HMCN2: variants seen among roughly 807,000 people sequenced by gnomAD.
HMCN2 encodes the protein hemicentin-2.
In HMCN2, 325 loss-of-function variants were observed where a neutral mutation model predicts 377.5. The ratio of observed to expected loss-of-function variants is 0.86; its 90% CI spans 0.79 to 0.94. The LOEUF is 0.94. HMCN2 is among the 40% of genes least tolerant of loss of function. The probability of loss-of-function intolerance (pLI) is 0.00; values close to 1 mark genes in which losing one functional copy is unlikely to be tolerated. For synonymous variants in HMCN2, 2,007 were observed against 2,046.8 expected, an observed-to-expected ratio of 0.98 and a Z score of 0.53; for missense variants, 4,543 against 4,725.3, an observed-to-expected ratio of 0.96 and a Z score of 1.13.
rs140652148 is a variant in HMCN2 at position 130,273,524 on chromosome 9, G to T, written c.259+7387G>T. Among the ~76,000 whole-genome samples the T allele has an allele frequency of 4.0e-3, 614 of 151,744 alleles. 6 individuals are homozygous for T. The highest frequency in any genetic ancestry group is 0.014 in the African/African-American group (580 of 41,356). The stretch of plus-strand genomic sequence containing the variant: ...TTTTTTTTTTTATTTTTGAGACTGA[G>T]TCTCACTCTCTTGCCCAGGCTGGAG... On this transcript the variant is annotated intron_variant, in intron 1 of 97. Coordinates refer to ENST00000683500, the MANE Select transcript of HMCN2 (RefSeq NM_001291815.2).
At position 130,285,327 on chromosome 9, in the gene HMCN2, C is replaced by T. The variant is rs782525276; in HGVS notation, c.489+11C>T. 8 of 470,666 alleles carry T rather than the reference C, an allele frequency of 1.7e-5. No homozygotes were observed. The highest frequency in any genetic ancestry group is 3.1e-5 in the Non-Finnish European group (7 of 226,882). The allele number at this position is 470,666 out of a possible 1,614,324, so 29.2% of individuals were successfully genotyped here. On this transcript the variant is annotated intron_variant, in intron 3 of 97. Transcript: ENST00000683500. ...CTCAAGCAATCACAGGTGGGTGAGC[C>T]GGCTGTGGGGGCCCAAAGTGGGGTC...
chr9:130,375,772 G>T, intron 50 of HMCN2, 36 bp downstream of exon 50: 1 of 984,946 alleles, frequency 1.0e-6, no homozygotes, highest in Non-Finnish European at 1.2e-6. Context: ...GGAGGGAACA[G>T]GTGACATGTC....
Position 130,307,476 on chromosome 9 carries a change from A to G in HMCN2, c.2110A>G (p.Asn704Asp). 2.1e-6 allele frequency: 1 copy of G among 471,060 alleles called. No individual in the cohort carries two copies. Among genetic ancestry groups the G allele is most frequent in the South Asian group, 1.5e-5 (1 of 64,548 alleles). 29.2% of individuals were successfully genotyped at this position (471,060 alleles called of 1,614,324 possible). A position where few individuals can be genotyped will look rare whatever the true frequency, so the allele number is the denominator to read the frequency against. The change falls in exon 14 of 98, where the codon AAT becomes GAT. Residue 704 changes from asparagine (N) to aspartate (D), a missense_variant. Transcript: ENST00000683500. ...YTDPPSVSAV[N>D]AVVLVAVGEE... Reference sequence around the variant, plus strand: ...AGACCCACCGTCGGTCTCTGCTGTAAATGCCGTGGTGCTGGTGGCCGTTGG... The same window carrying G: ...AGACCCACCGTCGGTCTCTGCTGTAGATGCCGTGGTGCTGGTGGCCGTTGG...
At chr9:130,269,719 C>T (rs1554920447) in intron 1 of HMCN2, among the ~76,000 whole-genome samples, 1 of 147,478 alleles carries the variant, frequency 6.8e-6, no homozygotes, top group Non-Finnish European at 1.5e-5. Context: ...AGTTTCTTTG[C>T]AAATTTTTTC....
intron 22 of HMCN2, among the ~76,000 whole-genome samples, chr9:130,331,328 G>A (rs1297853405): frequency 2.0e-5 from 3 of 152,162 alleles, no homozygotes; most frequent in Admixed American, 6.5e-5. Flanking sequence ...GGTTCCTTGC[G>A]GGACGGTCCC....
chr9:130,291,897 G>T (rs1000103153), intron 4 of HMCN2, among the ~76,000 whole-genome samples: 1 of 152,050 alleles, frequency 6.6e-6, no homozygotes, highest in Non-Finnish European at 1.5e-5. Context: ...TGTCTATTAA[G>T]TCCTCTTTGG....
chr9:130,312,722 C>T (rs1255960368), intron 15 of HMCN2, among the ~76,000 whole-genome samples: 1 of 149,324 alleles, frequency 6.7e-6, no homozygotes, highest in Non-Finnish European at 1.5e-5. Flanking sequence ...CTGGAGTGCC[C>T]AGGCGCAATC....
At chr9:130,415,674 C>A (rs1441164094) in intron 85 of HMCN2, among the ~76,000 whole-genome samples, 1 of 152,224 alleles carries the variant, frequency 6.6e-6, no homozygotes, top group Non-Finnish European at 1.5e-5. Context: ...TTCAAGTTGG[C>A]CTCGGTTTAC....
At position 130,395,238 on chromosome 9, in the gene HMCN2, G is replaced by A; in HGVS notation, c.10802G>A (p.Gly3601Asp). The stretch of plus-strand genomic sequence containing the variant: ...CCTCCAAACATTGTTGGGCCCCGAG[G>A]CCCCCGCTTTGTGGTCGGCCTGGCC... Reference protein sequence around the residue: ...QAPPNIVGPRGPRFVVGLAPG... With the variant: ...QAPPNIVGPRDPRFVVGLAPG... Residue 3601 changes from glycine to aspartate, a missense_variant, in exon 71 of 98, where the codon GGC becomes GAC. Physicochemically the swap from Gly to Asp is moderately conservative, Grantham distance 94. This residue lies in a region of HMCN2 where 1,073 missense variants were observed against 1,319.5 expected (regional missense o/e 0.81). Transcript: ENST00000683500. 7.8e-7 allele frequency: 1 copy of A among 1,289,300 alleles called. No homozygotes were observed. The highest frequency in any genetic ancestry group is 1.0e-6 in the Non-Finnish European group (1 of 988,670). 79.9% of individuals were successfully genotyped at this position (1,289,300 alleles called of 1,614,324 possible).
At chr9:130,338,747 C>T (rs1453190773) in intron 23 of HMCN2, 2 of 152,200 alleles carry the variant, frequency 1.3e-5, no homozygotes, top group Non-Finnish European at 2.9e-5. Flanking sequence ...AAGACAGGCC[C>T]AACTATGGCC....
chr9:130,311,353 G>A (rs2131368179), intron 15 of HMCN2, among the ~76,000 whole-genome samples: 1 of 152,296 alleles, frequency 6.6e-6, no homozygotes, highest in African/African-American at 2.4e-5. Context: ...TGCTGTCTCA[G>A]GGTTGAGATC....
intron 15 of HMCN2, among the ~76,000 whole-genome samples, chr9:130,316,471 C>T (rs1837567558): frequency 6.6e-6 from 1 of 152,086 alleles, no homozygotes; most frequent in Non-Finnish European, 1.5e-5. Context: ...GCGGCAGCCC[C>T]TCCTGTCCCC....
At chr9:130,295,063 C>T (rs1836043508) in intron 5 of HMCN2, 37 bp downstream of exon 5, 1 of 409,830 alleles carries the variant, frequency 2.4e-6, no homozygotes, top group African/African-American at 2.1e-5. Context: ...CTCTTTGGCC[C>T]CAAGACTGAG....
intron 41 of HMCN2, among the ~76,000 whole-genome samples, 178 bp from the exon 42 acceptor site, chr9:130,365,453 G>A (rs755146017): frequency 4.6e-5 from 7 of 152,236 alleles, no homozygotes; most frequent in Non-Finnish European, 7.3e-5. Context: ...CCACAGGCAC[G>A]TGCTTCTGGA....
At position 130,351,555 on chromosome 9, in the gene HMCN2, G is replaced by A. The variant is rs1839716205; in HGVS notation, c.4563G>A (p.Arg1521=). ...VAFSPAGQQA[R]DFQLRVHAPP... ...TCAGCCCAGCTGGTCAGCAGGCCAG[G>A]GACTTCCAGCTCCGAGTTCATGGTG... is the stretch of plus-strand genomic sequence containing the variant. The change falls in exon 30 of 98, where the codon AGG becomes AGA. Residue 1521 remains arginine (R), a synonymous_variant. Transcript: ENST00000683500. The surrounding 1 kb of genome is among the most constrained non-coding windows in gnomAD (Gnocchi z 5.4). 1 of 1,303,668 alleles carries A rather than the reference G, an allele frequency of 7.7e-7. No individual in the cohort carries two copies. The highest frequency in any genetic ancestry group is 1.0e-6 in the Non-Finnish European group (1 of 988,620). The allele number at this position is 1,303,668 out of a possible 1,614,324, so 80.8% of individuals were successfully genotyped here.
chr9:130,326,861 C>T (rs1351955116), intron 21 of HMCN2, among the ~76,000 whole-genome samples: 3 of 152,182 alleles, frequency 2.0e-5, no homozygotes, highest in South Asian at 2.1e-4. Context: ...CCATCAATCC[C>T]TCACCAGGCT....
At chr9:130,363,984 AAG>A (rs968279301) in intron 40 of HMCN2, among the ~76,000 whole-genome samples, 5 of 152,002 alleles carry the variant, frequency 3.3e-5, no homozygotes, top group African/African-American at 1.2e-4. Flanking sequence ...GAAAGAAAGA[AAG>A]AGAAAGGAAG....
At chr9:130,316,036 C>T (rs1837544335) in intron 15 of HMCN2, among the ~76,000 whole-genome samples, 1 of 152,206 alleles carries the variant, frequency 6.6e-6, no homozygotes, top group African/African-American at 2.4e-5. Context: ...CAGGCAAAGC[C>T]ACGGTCCAGC....
intron 4 of HMCN2, among the ~76,000 whole-genome samples, chr9:130,290,907 A>G (rs1252651122): frequency 6.6e-6 from 1 of 151,834 alleles, no homozygotes; most frequent in Non-Finnish European, 1.5e-5. Context: ...TCATTTTCCA[A>G]TTCTTTGGAT....
Sources: gnomAD v4.1 joint callset for allele counts (sites outside exome capture counted in the v4.1 genomes callset) on GRCh38, gnomAD v4.1.1 for gene constraint, gnomAD v4.1.1 regional missense constraint, Gnocchi (gnomAD v3.1) non-coding constraint, MANE v1.5 for transcripts, NCBI Gene and HGNC (gene_info 2026-07-23, HGNC 2026-07-21) for gene names.